Variants in SYNPR observed in about 807,000 individuals in gnomAD.
The protein encoded by SYNPR is synaptoporin.
A neutral mutation model predicts 32.9 loss-of-function variants in SYNPR; 23 were observed. The ratio of observed to expected loss-of-function variants is 0.70; its 90% confidence interval spans 0.50 to 0.99. The LOEUF is 0.99. Ranked by LOEUF, SYNPR falls within the 50% of genes least tolerant of loss-of-function variation. The probability of loss-of-function intolerance (pLI) is 0.00; values close to 1 mark genes in which losing one functional copy is unlikely to be tolerated. For missense variants in SYNPR, 318 were observed against 349.3 expected, an observed-to-expected ratio of 0.91 and a Z score of 0.71; for synonymous variants, 146 against 135.9, an observed-to-expected ratio of 1.07 and a Z score of -0.52.
intron 3 of SYNPR, among the ~76,000 whole-genome samples, chr3:63,536,941 G>T (rs902959547): frequency 2.6e-5 from 4 of 152,058 alleles, no homozygotes; most frequent in Non-Finnish European, 4.4e-5. Context: ...AGGGCTGAGG[G>T]ATGAATGAAT....
At chr3:63,340,405 A>G (rs1176850602) in intron 2 of SYNPR, among the ~76,000 whole-genome samples, 1 of 145,388 alleles carries the variant, frequency 6.9e-6, no homozygotes, top group African/African-American at 2.5e-5. Context: ...TCTACCATTA[A>G]TTAAAAAAAA....
rs1285219177 is a variant in SYNPR, at chr3:63,501,502, A to T, written c.209+20546A>T. ...CCCCACCCTCCCCCAACCAAAAAAAAAAAAAAAAAAAAGAAAAGAAAAAGA... is the reference window on the plus strand; with the variant it reads ...CCCCACCCTCCCCCAACCAAAAAAATAAAAAAAAAAAAGAAAAGAAAAAGA... On this transcript the variant is annotated intron_variant, in intron 3 of 5. Coordinates refer to ENST00000478300, the MANE Select transcript of SYNPR (RefSeq NM_001130003.2). 2.3e-5 allele frequency among the ~76,000 whole-genome samples: 3 copies of T among 130,684 alleles called. No individual in the cohort carries two copies. The East Asian group carries it at 6.0e-4, about 26-fold the overall frequency. The allele number at this position is 130,684 out of a possible 152,430, so 85.7% of individuals were successfully genotyped here.
At chr3:63,292,436 C>G (rs2367785) in intron 2 of SYNPR, among the ~76,000 whole-genome samples, 114,738 of 152,058 alleles carry the variant, frequency 0.75, 44,193 homozygotes, top group Non-Finnish European at 0.83. Context: ...TGTAGTGCTA[C>G]CTTTAAAAAA....
chr3:63,293,313 G>A (rs1489490894), intron 2 of SYNPR, among the ~76,000 whole-genome samples: 4 of 149,180 alleles, frequency 2.7e-5, no homozygotes, highest in South Asian at 2.1e-4. Context: ...TTTGTCTTTG[G>A]GGTGGAGGGT....
intron 2 of SYNPR, among the ~76,000 whole-genome samples, chr3:63,333,663 T>C (rs1226854556): frequency 1.3e-5 from 2 of 152,074 alleles, no homozygotes; most frequent in African/African-American, 4.8e-5. Context: ...AGCCATCCTC[T>C]CACCTTGGCT....
upstream of SYNPR, among the ~76,000 whole-genome samples, chr3:63,228,018 C>T (rs1402721282): frequency 6.6e-6 from 1 of 152,126 alleles, no homozygotes; most frequent in Non-Finnish European, 1.5e-5. Context: ...ATTTTAAATG[C>T]AATGAATGGT....
chr3:63,478,973 G>A (rs1700989065), intron 2 of SYNPR, among the ~76,000 whole-genome samples: 1 of 152,138 alleles, frequency 6.6e-6, no homozygotes. Flanking sequence ...CTTACAGGAA[G>A]AGAGCATTTG....
At chr3:63,429,433 C>T (rs1403699) in intron 2 of SYNPR, among the ~76,000 whole-genome samples, 86,283 of 151,972 alleles carry the variant, frequency 0.57, 25,951 homozygotes, top group African/African-American at 0.77. Context: ...GCTCACTCTG[C>T]GTATTACCAG....
At chr3:63,542,783 A>G (rs1702330468) in intron 3 of SYNPR, among the ~76,000 whole-genome samples, 1 of 152,116 alleles carries the variant, frequency 6.6e-6, no homozygotes. Context: ...ACTTGCATAT[A>G]GGAGATACTC....
intron 2 of SYNPR, among the ~76,000 whole-genome samples, chr3:63,397,773 C>T (rs996172991): frequency 1.3e-5 from 2 of 152,138 alleles, no homozygotes; most frequent in Non-Finnish European, 2.9e-5. Context: ...ACCTTCATCT[C>T]ATCTGAAAAA....
At chr3:63,521,996 G>C (rs901122551) in intron 3 of SYNPR, among the ~76,000 whole-genome samples, 1 of 152,198 alleles carries the variant, frequency 6.6e-6, no homozygotes, top group Admixed American at 6.5e-5. Flanking sequence ...TCCAGGCACA[G>C]TGCAGAGGAG....
chr3:63,496,452 T>C (rs888000285), intron 3 of SYNPR, among the ~76,000 whole-genome samples: 12 of 152,142 alleles, frequency 7.9e-5, no homozygotes, highest in African/African-American at 2.2e-4. Context: ...TTAGGTTATT[T>C]TGGTTTTTCA....
chr3:63,536,399 T>A (rs899898648), intron 3 of SYNPR, among the ~76,000 whole-genome samples: 2 of 152,046 alleles, frequency 1.3e-5, no homozygotes, highest in Non-Finnish European at 2.9e-5. Flanking sequence ...GAAATGCAAA[T>A]CAAAACTACA....
At chr3:63,586,316 G>T (rs753525486) in intron 4 of SYNPR, among the ~76,000 whole-genome samples, 2 of 151,752 alleles carry the variant, frequency 1.3e-5, no homozygotes, top group Non-Finnish European at 2.9e-5. Flanking sequence ...AGTGTGAAAT[G>T]TAGTCACAAT....
chr3:63,280,015 G>A (rs550787759), intron 2 of SYNPR, among the ~76,000 whole-genome samples: 49 of 152,218 alleles, frequency 3.2e-4, no homozygotes, highest in African/African-American at 1.0e-3. Context: ...AATTCTGCCC[G>A]CATTCATTCA....
chr3:63,316,819 C>G (rs1317205376), intron 2 of SYNPR, among the ~76,000 whole-genome samples: 1 of 151,774 alleles, frequency 6.6e-6, no homozygotes, highest in Non-Finnish European at 1.5e-5. Context: ...TGAGATGTGA[C>G]CTCAGAATGT....
At chr3:63,383,553 C>T (rs1178284525) in intron 2 of SYNPR, among the ~76,000 whole-genome samples, 1 of 151,986 alleles carries the variant, frequency 6.6e-6, no homozygotes, top group African/African-American at 2.4e-5. Context: ...CCCATTTCTG[C>T]TAAAATACAA....
chr3:63,542,561 A>G (rs1279679129), intron 3 of SYNPR, among the ~76,000 whole-genome samples: 2 of 152,116 alleles, frequency 1.3e-5, no homozygotes, highest in African/African-American at 4.8e-5. Flanking sequence ...AGAAATCTGG[A>G]GAAGTAAAAT....
At chr3:63,221,809 T>G in the SYNPR span, among the ~76,000 whole-genome samples, 1 of 152,062 alleles carries the variant, frequency 6.6e-6, no homozygotes, top group Non-Finnish European at 1.5e-5. Context: ...GAGCCTCAGT[T>G]TCCTTGCTTG....
Sources: allele counts gnomAD v4.1 joint callset (sites outside exome capture counted in the v4.1 genomes callset), GRCh38; gene constraint gnomAD v4.1.1; transcripts MANE v1.5; gene names NCBI Gene and HGNC (gene_info 2026-07-23, HGNC 2026-07-21).